Variants in MTUS1 observed in about 807,000 individuals in gnomAD.
The protein encoded by MTUS1 is microtubule-associated tumor suppressor 1.
MTUS1 carries 109 observed loss-of-function variants against 120.8 expected under a neutral mutation model. That is an observed-to-expected ratio of 0.90 (90% CI 0.77 to 1.06). The LOEUF (loss-of-function observed/expected upper bound fraction) is 1.06. MTUS1 is among the 50% of genes least tolerant of loss of function. The probability of loss-of-function intolerance (pLI) is 0.00; values close to 1 mark genes in which losing one functional copy is unlikely to be tolerated. For missense variants in MTUS1, 2,210 were observed against 1,486.3 expected, an observed-to-expected ratio of 1.49 and a Z score of -8.01; for synonymous variants, 737 against 550.5, an observed-to-expected ratio of 1.34 and a Z score of -4.74.
intron 8 of MTUS1, among the ~76,000 whole-genome samples, chr8:17,663,698 C>T (rs995742002): frequency 3.9e-5 from 6 of 152,086 alleles, no homozygotes; most frequent in African/African-American, 1.2e-4. Context: ...CAGGTTTAAG[C>T]GATTCTCCTG....
rs144311407 is a variant in MTUS1, at chr8:17,715,464, C to G, written c.2584+303G>C. On this transcript the variant is annotated intron_variant, in intron 5 of 14. Coordinates refer to ENST00000693296, the MANE Select transcript of MTUS1 (RefSeq NM_001363059.2). ...CCTGATGAAAAGTAATCATGCATTT[C>G]TACTCCTTTCTCACTATTCTAGAGC... Among the ~76,000 whole-genome samples, 13 of 152,190 alleles carry G rather than the reference C, an allele frequency of 8.5e-5. No individual in the cohort carries two copies. In the East Asian group the frequency reaches 2.1e-3, roughly 25 times the overall value.
intron 1 of MTUS1, among the ~76,000 whole-genome samples, chr8:17,763,915 A>AAAGCAAGCC (rs200732311): frequency 0.018 from 2,759 of 152,330 alleles, 40 homozygotes; most frequent in South Asian, 0.026. Context: ...ACAGATGAAC[A>AAAGCAAGCC]AAGCAAGCCA....
At chr8:17,749,674 A>T (rs1423222602) in intron 2 of MTUS1, among the ~76,000 whole-genome samples, 1 of 151,656 alleles carries the variant, frequency 6.6e-6, no homozygotes, top group Non-Finnish European at 1.5e-5. Flanking sequence ...AAAAAAAAAA[A>T]AAAAGAAAGA....
intron 7 of MTUS1, among the ~76,000 whole-genome samples, chr8:17,680,134 C>T (rs757606226): frequency 1.2e-3 from 176 of 152,134 alleles, no homozygotes; most frequent in Non-Finnish European, 1.7e-3. Flanking sequence ...CAGACGGGAA[C>T]AGAACGTAGA....
chr8:17,736,214 A>G (rs559217554), intron 3 of MTUS1, among the ~76,000 whole-genome samples: 1 of 152,354 alleles, frequency 6.6e-6, no homozygotes, highest in South Asian at 2.1e-4. Flanking sequence ...ATTGTGTGAA[A>G]CGCCTGGAAA....
At chr8:17,692,504 T>C (rs929468385) in intron 6 of MTUS1, among the ~76,000 whole-genome samples, 7 of 152,160 alleles carry the variant, frequency 4.6e-5, no homozygotes, top group Non-Finnish European at 8.8e-5. Flanking sequence ...GTTAATTCCA[T>C]CTAAAAAGAG....
chr8:17,696,644 G>A (rs1309917443), intron 6 of MTUS1, among the ~76,000 whole-genome samples: 1 of 152,076 alleles, frequency 6.6e-6, no homozygotes, highest in Non-Finnish European at 1.5e-5. Flanking sequence ...TTCATCTTAG[G>A]CACCGAAAAT....
intron 3 of MTUS1, among the ~76,000 whole-genome samples, chr8:17,737,677 G>A (rs1441311192): frequency 6.6e-6 from 1 of 152,070 alleles, no homozygotes; most frequent in Non-Finnish European, 1.5e-5. Flanking sequence ...TGTAAAGACA[G>A]GGTCTCACTC....
Position 17,754,259 on chromosome 8 carries a change from T to C in MTUS1, c.1549A>G (p.Arg517Gly), listed in dbSNP as rs1377616456. Residue 517 changes from arginine to glycine, a missense_variant, in exon 2 of 15, where the codon AGA (arginine) becomes GGA (glycine). Coordinates refer to ENST00000693296, the MANE Select transcript of MTUS1 (RefSeq NM_001363059.2). ...FKNVKAKVMS[R>G]AVLQPKDAAL... Reference sequence around the variant, plus strand: ...GCATCTTTGGGCTGCAACACTGCTCTAGACATAACTTTTGCTTTGACATTC... The same window carrying C: ...GCATCTTTGGGCTGCAACACTGCTCCAGACATAACTTTTGCTTTGACATTC... The C allele has an allele frequency of 6.2e-6, 10 of 1,614,074 alleles. No individual in the cohort carries two copies. The Admixed American group carries it at 1.2e-4, about 19-fold the overall frequency.
At chr8:17,654,815 G>A in intron 9 of MTUS1, 149 bp from the exon 10 acceptor site, 3 of 623,054 alleles carry the variant, frequency 4.8e-6, no homozygotes, top group Non-Finnish European at 5.7e-6. Flanking sequence ...AAAGGTCAGG[G>A]CAGTGGTTCA....
chr8:17,782,565 G>A (rs114187486), intron 1 of MTUS1, among the ~76,000 whole-genome samples: 2,064 of 152,292 alleles, frequency 0.014, 47 homozygotes, highest in African/African-American at 0.047. Flanking sequence ...TAACAGTGAA[G>A]TTTTATGGGA....
chr8:17,698,915 C>A (rs2979789), intron 6 of MTUS1, among the ~76,000 whole-genome samples: 116,726 of 152,032 alleles, frequency 0.77, 44,901 homozygotes, highest in Admixed American at 0.84. Flanking sequence ...AAATCAAGGC[C>A]AGCTGCTTCT....
chr8:17,781,202 G>C (rs2050851183), intron 1 of MTUS1, among the ~76,000 whole-genome samples: 1 of 152,140 alleles, frequency 6.6e-6, no homozygotes, highest in African/African-American at 2.4e-5. Flanking sequence ...GAAATACTAC[G>C]TTTCAAATAT....
chr8:17,668,295 A>G (rs12546154), intron 8 of MTUS1, among the ~76,000 whole-genome samples: 9,277 of 152,186 alleles, frequency 0.061, 480 homozygotes, highest in East Asian at 0.24. Context: ...TCTTCTTCCA[A>G]CGTGGCCCGG....
rs772629229 is a variant in MTUS1, at chr8:17,715,889, G to C, written c.2462C>G (p.Ala821Gly). The change falls in exon 5 of 15, where the codon GCT becomes GGT. Residue 821 changes from alanine to glycine, a missense_variant. Physicochemically the swap from Ala to Gly is moderately conservative, Grantham distance 60. Coordinates refer to ENST00000693296, the MANE Select transcript of MTUS1 (RefSeq NM_001363059.2). Reference sequence around the variant, plus strand: ...AGGTTTCTCCTCATATTTGATGACAGCGGCATTACCAGCTGTAATAAAACA... The same window carrying C: ...AGGTTTCTCCTCATATTTGATGACACCGGCATTACCAGCTGTAATAAAACA... ...STYSNNSGNA[A>G]VIKYEEKPPK... 1 of 1,612,164 alleles carries C rather than the reference G, an allele frequency of 6.2e-7. No individual in the cohort carries two copies. Among genetic ancestry groups the C allele is most frequent in the South Asian group, 1.1e-5 (1 of 90,614 alleles).
intron 1 of MTUS1, among the ~76,000 whole-genome samples, chr8:17,778,492 G>C (rs951177172): frequency 2.0e-5 from 3 of 152,196 alleles, no homozygotes; most frequent in Non-Finnish European, 2.9e-5. Context: ...TGCAAATTCT[G>C]CTATATGTAA....
chr8:17,763,032 C>T (rs374910938), intron 1 of MTUS1, among the ~76,000 whole-genome samples: 4 of 152,116 alleles, frequency 2.6e-5, no homozygotes, highest in African/African-American at 4.8e-5. Context: ...TGCTCTATCC[C>T]CCAGGCTGGA....
Position 17,757,809 on chromosome 8 carries a change from G to C in MTUS1, c.-154-1848C>G, listed in dbSNP as rs376400838. ...CCCAAAGCACTGGGATTACAGGCAT[G>C]AGCCACCACGCCCGGCCACTTTTGG... On this transcript the variant is annotated intron_variant, in intron 1 of 14. Coordinates refer to ENST00000693296, the MANE Select transcript of MTUS1 (RefSeq NM_001363059.2). Among the ~76,000 whole-genome samples the C allele has an allele frequency of 5.3e-5, 8 of 152,300 alleles. No homozygotes were observed. In the East Asian group the frequency reaches 9.6e-4, roughly 18 times the overall value.
chr8:17,755,674 T>A lies in MTUS1; in HGVS notation c.134A>T (p.Asn45Ile). 6.2e-7 allele frequency: 1 copy of A among 1,614,234 alleles called. No individual in the cohort carries two copies. The highest frequency in any genetic ancestry group is 8.5e-7 in the Non-Finnish European group (1 of 1,180,038). The stretch of plus-strand genomic sequence containing the variant: ...GTCATCTGGGTTGGCAGAATTCCAG[T>A]TCACACTGCTGGCTGAAGAGTTTTG... ...PTQNSSASSVNWNSANPDDMV... is the reference protein window; with the variant it reads ...PTQNSSASSVIWNSANPDDMV... The change falls in exon 2 of 15, where the codon AAC becomes ATC. Residue 45 changes from asparagine to isoleucine, a missense_variant. Coordinates refer to ENST00000693296, the MANE Select transcript of MTUS1 (RefSeq NM_001363059.2).
Sources: allele counts gnomAD v4.1 joint callset (sites outside exome capture counted in the v4.1 genomes callset), GRCh38; gene constraint gnomAD v4.1.1; transcripts MANE v1.5; gene names NCBI Gene and HGNC (gene_info 2026-07-23, HGNC 2026-07-21).